The following PCDHA7 variants were observed in gnomAD, a reference collection of about 807,000 sequenced individuals.
PCDHA7 encodes the protein protocadherin alpha-7.
In PCDHA7, 37 loss-of-function variants were observed where a neutral mutation model predicts 57.2. The observed-to-expected ratio is 0.65, with a 90% CI of 0.50 to 0.85. The LOEUF is 0.85. Among genes scored for constraint, PCDHA7 ranks in the 40% least tolerant of loss-of-function variants. The probability of loss-of-function intolerance (pLI) is 0.00; values close to 1 mark genes in which losing one functional copy is unlikely to be tolerated. For missense variants in PCDHA7, 1,188 were observed against 1,241.8 expected (o/e 0.96, Z 0.65); for synonymous variants, 553 against 558.8 (o/e 0.99, Z 0.15).
At chr5:140,870,838 C>T (rs1554164743) in intron 1 of PCDHA7, 4 of 1,613,700 alleles carry the variant, frequency 2.5e-6, no homozygotes, top group Admixed American at 3.3e-5. Context: ...AGTTAACAAG[C>T]TAGTACCGCG....
chr5:140,887,074 G>T (rs1554182860), intron 1 of PCDHA7, among the ~76,000 whole-genome samples: 2 of 151,506 alleles, frequency 1.3e-5, no homozygotes, highest in Non-Finnish European at 2.9e-5. Flanking sequence ...AATTCACTCA[G>T]CTTTTGTCTG....
rs1444138021 is a variant in PCDHA7 at position 140,855,293 on chromosome 5, C to T, written c.2355+18555C>T. ...CTCAACCACCGTATTACTATTAGGC[C>T]AAAGTTATAAAATTGGAACATGAGG... On this transcript the variant is annotated intron_variant, in intron 1 of 3. Transcript: ENST00000525929. 2.7e-5 allele frequency among the ~76,000 whole-genome samples: 4 copies of T among 149,558 alleles called. 1 individual carries two copies. The highest frequency in any genetic ancestry group is 4.3e-4 in the South Asian group (2 of 4,702).
intron 1 of PCDHA7, chr5:140,875,365 A>T: frequency 6.9e-7 from 1 of 1,449,394 alleles, no homozygotes; most frequent in Non-Finnish European, 9.1e-7. Context: ...TGCTGGAAAA[A>T]ATTTACTAAA....
chr5:140,967,793 G>A (rs1447753881), intron 1 of PCDHA7: 24 of 1,614,080 alleles, frequency 1.5e-5, no homozygotes, highest in Non-Finnish European at 1.9e-5. Flanking sequence ...CCGGGGTCCA[G>A]TGCCCATGGC....
At chr5:140,973,921 C>T (rs1407436010) in intron 1 of PCDHA7, among the ~76,000 whole-genome samples, 1 of 152,210 alleles carries the variant, frequency 6.6e-6, no homozygotes, top group Non-Finnish European at 1.5e-5. Context: ...TGTCACCAAA[C>T]CCAGAGGTTT....
chr5:140,837,869 G>T (rs1367921938), intron 1 of PCDHA7, among the ~76,000 whole-genome samples: 1 of 151,606 alleles, frequency 6.6e-6, no homozygotes, highest in African/African-American at 2.4e-5. Flanking sequence ...TGTAGAGACA[G>T]GGTGGAGTCT....
intron 1 of PCDHA7, among the ~76,000 whole-genome samples, chr5:140,839,736 C>T (rs1046330688): frequency 6.6e-6 from 1 of 151,778 alleles, no homozygotes; most frequent in African/African-American, 2.4e-5. Context: ...CAGAAAATAC[C>T]CTTATTTGCC....
chr5:140,939,733 C>T (rs1433987863), intron 1 of PCDHA7, among the ~76,000 whole-genome samples: 2 of 152,162 alleles, frequency 1.3e-5, no homozygotes, highest in Non-Finnish European at 2.9e-5. Flanking sequence ...TTGTGTGTAG[C>T]TGTGTATCAT....
At chr5:140,876,131 C>G in intron 1 of PCDHA7, 3 of 1,613,872 alleles carry the variant, frequency 1.9e-6, no homozygotes, top group Non-Finnish European at 2.5e-6. Context: ...GGCGGTAAAC[C>G]AGAACTAACA....
At chr5:140,859,744 T>C (rs1554152696) in intron 1 of PCDHA7, 2 of 154,298 alleles carry the variant, frequency 1.3e-5, no homozygotes, top group African/African-American at 2.4e-5. Context: ...AAGCATGGCA[T>C]TCTTTCAGTG....
intron 1 of PCDHA7, among the ~76,000 whole-genome samples, chr5:140,964,846 C>G (rs1292135709): frequency 2.0e-5 from 3 of 152,180 alleles, no homozygotes; most frequent in Non-Finnish European, 2.9e-5. Context: ...TACTCTGTAC[C>G]CTTGAGGAAA....
rs2150336386 is a variant in PCDHA7 at position 140,842,455 on chromosome 5, T to C, written c.2355+5717T>C. Reference sequence around the variant, plus strand: ...CCCTAATTAGCGTGAACGACCTCGATTCAGGTGCCAACGGGCAGGTGACCT... The same window carrying C: ...CCCTAATTAGCGTGAACGACCTCGACTCAGGTGCCAACGGGCAGGTGACCT... On this transcript the variant is annotated intron_variant, in intron 1 of 3. Coordinates refer to ENST00000525929, the MANE Select transcript of PCDHA7 (RefSeq NM_018910.3). The C allele has an allele frequency of 1.2e-6, 2 of 1,613,862 alleles. 1 individual carries two copies. Among genetic ancestry groups the C allele is most frequent in the East Asian group, 4.5e-5 (2 of 44,876 alleles).
chr5:140,882,566 G>A, intron 1 of PCDHA7: 1 of 1,614,252 alleles, frequency 6.2e-7, no homozygotes, highest in Non-Finnish European at 8.5e-7. Context: ...TGGGCGGAGC[G>A]CGGAGTGCAG....
chr5:140,977,364 A>G (rs967972541), intron 1 of PCDHA7, among the ~76,000 whole-genome samples: 2 of 152,206 alleles, frequency 1.3e-5, no homozygotes, highest in African/African-American at 4.8e-5. Flanking sequence ...GATAAAAAGT[A>G]TTTTAGTCAT....
intron 1 of PCDHA7, chr5:140,875,239 A>G (rs1008116554): frequency 1.1e-6 from 1 of 915,946 alleles, no homozygotes; most frequent in Non-Finnish European, 1.5e-6. Flanking sequence ...TCTTGTACTT[A>G]CATAATCAGT....
intron 1 of PCDHA7, chr5:140,843,383 G>A (rs1778840554): frequency 6.3e-7 from 1 of 1,596,120 alleles, no homozygotes; most frequent in South Asian, 1.1e-5. Context: ...TGGCGTTTTG[G>A]GTCCGGAAGC....
At chr5:140,838,077 AG>A (rs1404623081) in intron 1 of PCDHA7, among the ~76,000 whole-genome samples, 4 of 80,664 alleles carry the variant, frequency 5.0e-5, no homozygotes, top group African/African-American at 1.8e-4. Context: ...ATATATATAT[AG>A]TGTGTGTGTG....
intron 1 of PCDHA7, among the ~76,000 whole-genome samples, chr5:140,959,265 T>C (rs1341807372): frequency 1.3e-5 from 2 of 152,076 alleles, no homozygotes; most frequent in African/African-American, 2.4e-5. Context: ...TAGTCCCAGC[T>C]ACCCAGGAGC....
At chr5:140,979,564 A>G (rs1267870261) in intron 2 of PCDHA7, among the ~76,000 whole-genome samples, 2 of 152,222 alleles carry the variant, frequency 1.3e-5, no homozygotes, top group Non-Finnish European at 2.9e-5. Context: ...AAGATGAGCC[A>G]TGTAAAGGGC....
Sources: allele counts gnomAD v4.1 joint callset (sites outside exome capture counted in the v4.1 genomes callset), GRCh38; gene constraint gnomAD v4.1.1; transcripts MANE v1.5; gene names NCBI Gene and HGNC (gene_info 2026-07-23, HGNC 2026-07-21).